The following XXYLT1 variants were observed in gnomAD, a reference collection of about 807,000 sequenced individuals.
XXYLT1 encodes the protein UDP-xylose:alpha-xyloside alpha-1,3-xylosyltransferase.
In XXYLT1, 20 loss-of-function variants were observed where a neutral mutation model predicts 28.9. That is an observed-to-expected ratio of 0.69 (90% CI 0.49 to 1.00). The LOEUF (loss-of-function observed/expected upper bound fraction) is 1.00. Among genes scored for constraint, XXYLT1 ranks in the 50% least tolerant of loss-of-function variants. XXYLT1 has a pLI of 0.00. For synonymous variants in XXYLT1, 257 were observed against 253.8 expected (o/e 1.01, Z -0.12); for missense variants, 542 against 560.1 (o/e 0.97, Z 0.33).
chr3:195,098,834 G>T (rs1213516793), intron 3 of XXYLT1, among the ~76,000 whole-genome samples: 4 of 152,198 alleles, frequency 2.6e-5, no homozygotes, highest in African/African-American at 4.8e-5. Flanking sequence ...ACCTACGGGT[G>T]GGACCCTCCC....
Position 195,247,846 on chromosome 3 carries a change from A to G in XXYLT1, c.505-20990T>C, listed in dbSNP as rs1318533595. 1.0e-5 allele frequency: 7 copies of G among 701,962 alleles called. No homozygotes were observed. The South Asian group carries it at 1.0e-4, about 10-fold the overall frequency. 43.5% of individuals were successfully genotyped at this position (701,962 alleles called of 1,614,324 possible). ...GGGACACATCTCACCATAGTGCAGC[A>G]GGACAGAGAGAGAGAAGGGGGAAGC... is the stretch of plus-strand genomic sequence containing the variant. On this transcript the variant is annotated intron_variant, in intron 1 of 3. Coordinates refer to ENST00000310380, the MANE Select transcript of XXYLT1 (RefSeq NM_152531.5).
In XXYLT1 at chr3:195,129,990, C is replaced by CT. The variant is rs976956407; in HGVS notation, c.785+26458dup. Among the ~76,000 whole-genome samples, 4 of 152,316 alleles carry CT rather than the reference C, an allele frequency of 2.6e-5. No homozygotes were observed. The highest frequency in any genetic ancestry group is 9.6e-5 in the African/African-American group (4 of 41,566). On this transcript the variant is annotated intron_variant, in intron 3 of 3. Transcript: ENST00000310380. The surrounding 1 kb of genome is among the most constrained non-coding windows in gnomAD (Gnocchi z 4.4). The stretch of plus-strand genomic sequence containing the variant: ...CAGCACCTGTTATTGTCCTGCCTTT[C>CT]TTTTTTTATTATAGCTGACCAGTGG...
rs117875646 is a variant in XXYLT1, at chr3:195,169,444, C to T, written c.653-12863G>A. On this transcript the variant is annotated intron_variant, in intron 2 of 3. Coordinates refer to ENST00000310380, the MANE Select transcript of XXYLT1 (RefSeq NM_152531.5). ...GGAGAGGGACCAACACAAAGGTGTGCGTACAGGGAGGTGTCTCCCTTAGGG... is the reference window on the plus strand; with the variant it reads ...GGAGAGGGACCAACACAAAGGTGTGTGTACAGGGAGGTGTCTCCCTTAGGG... 2.2e-4 allele frequency among the ~76,000 whole-genome samples: 33 copies of T among 152,304 alleles called. No homozygotes were observed. In the East Asian group the frequency reaches 6.4e-3, roughly 29 times the overall value.
Position 195,270,907 on chromosome 3 carries a change from G to A in XXYLT1, c.152C>T (p.Ala51Val). The A allele has an allele frequency of 6.8e-7, 1 of 1,478,724 alleles. No individual in the cohort carries two copies. The allele number at this position is 1,478,724 out of a possible 1,614,324, so 91.6% of individuals were successfully genotyped here. A position where few individuals can be genotyped will look rare whatever the true frequency, so the allele number is the denominator to read the frequency against. ...GCGGGCCTCCTTCAGCCTCTTGGTG[G>A]CGCTGGAGAAGGTCTCCCGGCCTGA... ...LGSGRETFSS[A>V]TKRLKEARAG... The change falls in exon 1 of 4, where the codon GCC (alanine) becomes GTC (valine). Residue 51 changes from alanine (A) to valine (V), a missense_variant. Physicochemically the swap from Ala to Val is moderately conservative, Grantham distance 64. Coordinates refer to ENST00000310380, the MANE Select transcript of XXYLT1 (RefSeq NM_152531.5).
At chr3:195,185,085 AGAAGGAAGGAAGGAAG>A (rs10575198) in intron 2 of XXYLT1, among the ~76,000 whole-genome samples, 8,423 of 100,646 alleles carry the variant, frequency 0.084, 440 homozygotes, top group East Asian at 0.21. Flanking sequence ...GAAAGAAGGA[AGAAGGAAGGAAGGAAG>A]GAAGGAAGGA....
Position 195,271,038 on chromosome 3 carries a change from C to T in XXYLT1, c.21G>A (p.Gly7=), listed in dbSNP as rs1318511627. 2 of 1,452,488 alleles carry T rather than the reference C, an allele frequency of 1.4e-6. No homozygotes were observed. The highest frequency in any genetic ancestry group is 1.8e-6 in the Non-Finnish European group (2 of 1,107,236). The allele number at this position is 1,452,488 out of a possible 1,614,324, so 90.0% of individuals were successfully genotyped here. The change falls in exon 1 of 4, where the codon GGG becomes GGA. Residue 7 remains glycine (G), a synonymous_variant. Coordinates refer to ENST00000310380, the MANE Select transcript of XXYLT1 (RefSeq NM_152531.5). MGLLRG[G]LPCARAMARL... is the part of the protein sequence containing the mutation. ...GCGCCATGGCCCGAGCGCATGGGAG[C>T]CCGCCTCGGAGGAGGCCCATGCGCT...
At chr3:195,107,591 GAGGAGGGGGAGGA>G (rs1315499707) in intron 3 of XXYLT1, among the ~76,000 whole-genome samples, 572 of 26,648 alleles carry the variant, frequency 0.021, 81 homozygotes, top group African/African-American at 0.1. Context: ...GGAGGGGGAG[GAGGAGGGGGAGGA>G]GGAAGGGGAG....
At chr3:195,149,210 T>C (rs59361541) in intron 3 of XXYLT1, among the ~76,000 whole-genome samples, 25,381 of 152,014 alleles carry the variant, frequency 0.17, 2,416 homozygotes, top group East Asian at 0.41. Flanking sequence ...TATTTACATA[T>C]ACACACACAC....
chr3:195,081,478 AG>A (rs1432581412), intron 3 of XXYLT1, among the ~76,000 whole-genome samples: 6 of 152,024 alleles, frequency 3.9e-5, no homozygotes, highest in Non-Finnish European at 8.8e-5. Context: ...TCTAGGGTGG[AG>A]GGAAGGCCAG....
intron 3 of XXYLT1, among the ~76,000 whole-genome samples, chr3:195,108,456 A>G (rs1316956643): frequency 2.0e-5 from 3 of 152,270 alleles, no homozygotes; most frequent in African/African-American, 4.8e-5. Flanking sequence ...GGAGTAAAAA[A>G]TCTGGAAAAC....
chr3:195,196,599 A>G (rs1336433479), intron 2 of XXYLT1, among the ~76,000 whole-genome samples: 1 of 152,230 alleles, frequency 6.6e-6, no homozygotes, highest in Non-Finnish European at 1.5e-5. Flanking sequence ...CAGGCAGGCG[A>G]TGAAAACATA....
chr3:195,248,573 T>C (rs900250815), intron 1 of XXYLT1, among the ~76,000 whole-genome samples: 2 of 152,182 alleles, frequency 1.3e-5, no homozygotes, highest in Non-Finnish European at 2.9e-5. Flanking sequence ...TGCCTTCCAC[T>C]ATGATTGTGA....
chr3:195,077,496 C>T lies in XXYLT1; in HGVS notation c.786-7385G>A, dbSNP rs892695251. Among the ~76,000 whole-genome samples, 11 of 152,166 alleles carry T rather than the reference C, an allele frequency of 7.2e-5. No individual in the cohort carries two copies. The highest frequency in any genetic ancestry group is 1.0e-4 in the Non-Finnish European group (7 of 68,006). ...CTCCCTGCCCAGGCTTAGGTTGTGG[C>T]GGCTCCTCAGCGATCAGCCCTCGTC... On this transcript the variant is annotated intron_variant, in intron 3 of 3. Coordinates refer to ENST00000310380, the MANE Select transcript of XXYLT1 (RefSeq NM_152531.5). The surrounding 1 kb of genome is among the most constrained non-coding windows in gnomAD (Gnocchi z 4.8).
At chr3:195,089,206 C>T (rs1715990278) in intron 3 of XXYLT1, among the ~76,000 whole-genome samples, 1 of 151,792 alleles carries the variant, frequency 6.6e-6, no homozygotes, top group Admixed American at 6.6e-5. Flanking sequence ...AGAAGAGCAA[C>T]TCCAAGACAC....
At chr3:195,155,420 T>C (rs1020306281) in intron 3 of XXYLT1, among the ~76,000 whole-genome samples, 5 of 152,182 alleles carry the variant, frequency 3.3e-5, no homozygotes, top group African/African-American at 1.2e-4. Context: ...AGCTCTGCTC[T>C]GGGTGTGCTA....
At chr3:195,237,812 G>GTTGT in intron 1 of XXYLT1, among the ~76,000 whole-genome samples, 1 of 152,096 alleles carries the variant, frequency 6.6e-6, no homozygotes, top group South Asian at 2.1e-4. Context: ...TGGTTTGTTT[G>GTTGT]TTGTTTGTTT....
chr3:195,213,739 T>C (rs1269128057), intron 2 of XXYLT1, among the ~76,000 whole-genome samples: 1 of 152,242 alleles, frequency 6.6e-6, no homozygotes, highest in Admixed American at 6.5e-5. Context: ...AAGGGAAAAG[T>C]ACTAATACTA....
At chr3:195,229,842 T>C (rs1361268915) in intron 1 of XXYLT1, among the ~76,000 whole-genome samples, 5 of 152,252 alleles carry the variant, frequency 3.3e-5, no homozygotes, top group Non-Finnish European at 7.3e-5. Context: ...AGTGCTGCAA[T>C]AAACATGGGG....
intron 2 of XXYLT1, among the ~76,000 whole-genome samples, chr3:195,170,574 G>C (rs1013385806): frequency 1.3e-5 from 2 of 152,208 alleles, no homozygotes; most frequent in South Asian, 4.1e-4. Flanking sequence ...ACCTGGCTTC[G>C]TTTCCTGTCA....
Sources: allele counts gnomAD v4.1 joint callset (sites outside exome capture counted in the v4.1 genomes callset), GRCh38; gene constraint gnomAD v4.1.1; non-coding constraint Gnocchi (gnomAD v3.1); transcripts MANE v1.5; gene names NCBI Gene and HGNC (gene_info 2026-07-23, HGNC 2026-07-21).